ZNF423: variants seen among roughly 807,000 people sequenced by gnomAD.
ZNF423 encodes Ebf-associated zinc finger protein.
Under a neutral mutation model 95.8 loss-of-function variants are expected in ZNF423, and 12 were observed. That is an observed-to-expected ratio of 0.13 (90% CI 0.08 to 0.20). The LOEUF (loss-of-function observed/expected upper bound fraction) is 0.20, where lower values mean the gene tolerates loss of function less well. Among genes scored for constraint, ZNF423 ranks in the 10% least tolerant of loss-of-function variants. ZNF423 has a pLI of 1.00. For missense variants in ZNF423, 1,316 were observed against 1,737.1 expected, an observed-to-expected ratio of 0.76 and a Z score of 4.31; for synonymous variants, 749 against 711.9, an observed-to-expected ratio of 1.05 and a Z score of -0.83.
chr16:49,518,665 T>A (rs538489987), intron 7 of ZNF423: 1 of 376,842 alleles, frequency 2.7e-6, no homozygotes, highest in South Asian at 2.0e-5. Context: ...CTGTTTTCTA[T>A]GGCGATATAT....
intron 5 of ZNF423, among the ~76,000 whole-genome samples, chr16:49,531,407 A>C (rs889534958): frequency 1.3e-5 from 2 of 151,928 alleles, no homozygotes; most frequent in Non-Finnish European, 2.9e-5. Flanking sequence ...ATCCAGGCAA[A>C]TCTTGCCAGG....
intron 7 of ZNF423, among the ~76,000 whole-genome samples, chr16:49,497,740 G>A (rs1461741303): frequency 1.3e-5 from 2 of 152,246 alleles, no homozygotes; most frequent in African/African-American, 2.4e-5. Flanking sequence ...GGCCAAGCCC[G>A]AGAATGCACC....
chr16:49,715,358 A>G (rs4785184), intron 3 of ZNF423, among the ~76,000 whole-genome samples: 56,237 of 151,988 alleles, frequency 0.37, 11,193 homozygotes, highest in African/African-American at 0.51. Context: ...TGAGAGAGCT[A>G]TCCACGTGAA....
At chr16:49,495,126 C>A (rs1412461689) in intron 7 of ZNF423, among the ~76,000 whole-genome samples, 1 of 152,166 alleles carries the variant, frequency 6.6e-6, no homozygotes, top group Admixed American at 6.5e-5. Flanking sequence ...TCGCTGCCTG[C>A]CAGGGAGACA....
chr16:49,658,857 G>A (rs530790696), intron 3 of ZNF423, among the ~76,000 whole-genome samples: 16 of 151,986 alleles, frequency 1.1e-4, no homozygotes, highest in African/African-American at 3.1e-4. Flanking sequence ...TGGAACCCCC[G>A]CCCCAGCACC....
chr16:49,806,046 A>G (rs192788000), intron 1 of ZNF423, among the ~76,000 whole-genome samples: 89 of 152,344 alleles, frequency 5.8e-4, no homozygotes, highest in African/African-American at 2.0e-3. Context: ...CCTCGTTCAT[A>G]CATGTATTTC....
At chr16:49,595,752 T>C (rs1971160423) in intron 5 of ZNF423, among the ~76,000 whole-genome samples, 2 of 152,338 alleles carry the variant, frequency 1.3e-5, no homozygotes, top group Admixed American at 1.3e-4. Context: ...TAAACCTCTA[T>C]AGTATTTTGT....
chr16:49,642,801 C>CTTTT (rs55662710), intron 3 of ZNF423, among the ~76,000 whole-genome samples: 82 of 91,470 alleles, frequency 9.0e-4, no homozygotes, highest in Non-Finnish European at 1.4e-3. Flanking sequence ...GTTCTCTTTT[C>CTTTT]TTTTTTTTTT....
rs577168527 is a variant in ZNF423, at chr16:49,660,969, C to T, written c.302-22095G>A. ...GGCATGGTGACTCACACCTATAATC[C>T]CAGCACTTTGGGAGGCCAAGGAGGG... On this transcript the variant is annotated intron_variant, in intron 3 of 7. Coordinates refer to ENST00000563137, the MANE Select transcript of ZNF423 (RefSeq NM_001379286.1). Among the ~76,000 whole-genome samples the T allele has an allele frequency of 9.2e-5, 14 of 152,210 alleles. 1 individual carries two copies. The South Asian group carries it at 2.9e-3, about 32-fold the overall frequency.
chr16:49,491,758 C>A (rs1160323256), intron 7 of ZNF423, among the ~76,000 whole-genome samples: 1 of 152,146 alleles, frequency 6.6e-6, no homozygotes, highest in African/African-American at 2.4e-5. Context: ...CTGCTCCGAG[C>A]CTAGCAGAGG....
At chr16:49,734,805 T>C (rs1779569258) in intron 2 of ZNF423, among the ~76,000 whole-genome samples, 1 of 152,206 alleles carries the variant, frequency 6.6e-6, no homozygotes, top group South Asian at 2.1e-4. Context: ...CACACCTGCA[T>C]CCTTTTGCCC....
chr16:49,686,252 A>T (rs957879100), intron 3 of ZNF423, among the ~76,000 whole-genome samples: 2 of 152,142 alleles, frequency 1.3e-5, no homozygotes, highest in Non-Finnish European at 2.9e-5. Flanking sequence ...GCATTAATTC[A>T]TATTAATTAT....
chr16:49,793,115 C>T (rs546758295), intron 1 of ZNF423, among the ~76,000 whole-genome samples: 111 of 152,120 alleles, frequency 7.3e-4, no homozygotes, highest in Admixed American at 5.9e-4. Context: ...CCCCCACCAC[C>T]CCCATAAGGC....
intron 1 of ZNF423, among the ~76,000 whole-genome samples, chr16:49,843,808 C>A (rs2035215811): frequency 6.6e-6 from 1 of 151,738 alleles, no homozygotes; most frequent in Non-Finnish European, 1.5e-5. Context: ...CCACCCCTCA[C>A]TCCTAGTGCT....
intron 1 of ZNF423, among the ~76,000 whole-genome samples, chr16:49,796,327 C>T (rs112771352): frequency 2.0e-5 from 3 of 152,124 alleles, no homozygotes; most frequent in African/African-American, 7.2e-5. Context: ...TGGCACTAGG[C>T]AGACACCTGC....
At chr16:49,740,748 G>A (rs994016271) in intron 2 of ZNF423, among the ~76,000 whole-genome samples, 4 of 152,158 alleles carry the variant, frequency 2.6e-5, no homozygotes, top group African/African-American at 9.7e-5. Context: ...AGCCTTGCTG[G>A]GCTGCTCCGT....
At chr16:49,651,087 C>A (rs1973382673) in intron 3 of ZNF423, among the ~76,000 whole-genome samples, 1 of 151,612 alleles carries the variant, frequency 6.6e-6, no homozygotes, top group South Asian at 2.1e-4. Context: ...GTGATGCAAT[C>A]ATGGCTCACT....
intron 3 of ZNF423, among the ~76,000 whole-genome samples, chr16:49,646,482 A>C (rs1443866329): frequency 6.6e-6 from 1 of 152,060 alleles, no homozygotes; most frequent in Admixed American, 6.6e-5. Flanking sequence ...CTCCTCCCTC[A>C]TCTTATTTCA....
At chr16:49,702,813 C>T (rs557725704) in intron 3 of ZNF423, among the ~76,000 whole-genome samples, 7 of 152,324 alleles carry the variant, frequency 4.6e-5, no homozygotes, top group Admixed American at 3.9e-4. Context: ...CACAGCCCCA[C>T]ACGCTTCCAA....
Sources: allele counts gnomAD v4.1 joint callset (sites outside exome capture counted in the v4.1 genomes callset), GRCh38; gene constraint gnomAD v4.1.1; transcripts MANE v1.5; gene names NCBI Gene and HGNC (gene_info 2026-07-23, HGNC 2026-07-21).